PSTPIP1: variants seen among roughly 807,000 people sequenced by gnomAD.
PSTPIP1 encodes the protein proline-serine-threonine phosphatase interacting protein 1, also known as proline-serine-threonine phosphatase-interacting protein 1.
A neutral mutation model predicts 69.6 loss-of-function variants in PSTPIP1; 66 were observed. That is an observed-to-expected ratio of 0.95 (90% CI 0.78 to 1.16). The LOEUF (loss-of-function observed/expected upper bound fraction) is 1.16. Ranked by LOEUF, PSTPIP1 falls within the 50% of genes most tolerant of loss-of-function variation. The pLI, the probability that PSTPIP1 is intolerant of heterozygous loss-of-function variation, is 0.00. For missense variants in PSTPIP1, 603 were observed against 557.4 expected (o/e 1.08, Z -0.82); for synonymous variants, 266 against 222.7 (o/e 1.19, Z -1.73).
chr15:77,003,655 C>CA (rs35480677), intron 1 of PSTPIP1, among the ~76,000 whole-genome samples: 13,719 of 137,146 alleles, frequency 0.1, 717 homozygotes, highest in Admixed American at 0.12. Flanking sequence ...AACTCCGTCT[C>CA]AAAAAAAAAA....
chr15:77,027,771 CCCAGGGACACT>C lies in PSTPIP1; in HGVS notation c.355-78_355-68del. 6.6e-7 allele frequency: 1 copy of C among 1,511,256 alleles called. No individual in the cohort carries two copies. The highest frequency in any genetic ancestry group is 9.0e-7 in the Non-Finnish European group (1 of 1,112,952). 93.6% of individuals were successfully genotyped at this position (1,511,256 alleles called of 1,614,324 possible). A position where few individuals can be genotyped will look rare whatever the true frequency, so the allele number is the denominator to read the frequency against. On this transcript the variant is annotated intron_variant, in intron 5 of 14. Transcript: ENST00000558012. The surrounding 1 kb of genome is among the most constrained non-coding windows in gnomAD (Gnocchi z 4.3). ...AGCCAGGAGAGGTGCTGCGCCTCAT[CCCAGGGACACT>C]CCGTCCTCTTGGCCTAGGGGAGCCT...
rs1048398117 is a variant in PSTPIP1, at chr15:77,035,785, T to C, written c.986-17T>C. 2.5e-6 allele frequency: 4 copies of C among 1,601,468 alleles called. No individual in the cohort carries two copies. In the African/African-American group the frequency reaches 5.4e-5, roughly 21 times the overall value. Reference sequence around the variant, plus strand: ...GTCCCCAGAAGGGGAGGGGTCTATGTCTCACCCTGCTCTTAGCGTCCACAG... The same window carrying C: ...GTCCCCAGAAGGGGAGGGGTCTATGCCTCACCCTGCTCTTAGCGTCCACAG... On this transcript the variant is annotated splice_polypyrimidine_tract_variant and intron_variant, in intron 13 of 14. Transcript: ENST00000558012.
chr15:77,007,571 T>C (rs2075840378), intron 1 of PSTPIP1, among the ~76,000 whole-genome samples: 1 of 149,790 alleles, frequency 6.7e-6, no homozygotes. Flanking sequence ...ATCATGCCAC[T>C]GCACTCCAGC....
At position 76,995,394 on chromosome 15, in the gene PSTPIP1, C is replaced by T. The variant is rs574627519; in HGVS notation, c.-180C>T. The T allele has an allele frequency of 1.7e-5, 24 of 1,448,314 alleles. No individual in the cohort carries two copies. The highest frequency in any genetic ancestry group is 2.1e-5 in the Non-Finnish European group (23 of 1,105,054). 89.7% of individuals were successfully genotyped at this position (1,448,314 alleles called of 1,614,324 possible). ...CCAAACAAAACAGGTTGAGCTTTTT[C>T]CTCCCCTCAGAAGCTCCTCTCTGGC... On this transcript the variant is annotated 5_prime_UTR_variant, in exon 1 of 15. Coordinates refer to ENST00000558012, the MANE Select transcript of PSTPIP1 (RefSeq NM_003978.5).
intron 1 of PSTPIP1, among the ~76,000 whole-genome samples, chr15:76,999,024 G>A (rs567279467): frequency 6.6e-5 from 10 of 152,334 alleles, no homozygotes; most frequent in African/African-American, 1.9e-4. Flanking sequence ...CTGTCTGAGC[G>A]GAGAGGGCAC....
Position 76,995,171 on chromosome 15 carries a change from TGGCCC to T in PSTPIP1, c.-396_-392del. On this transcript the variant is annotated 5_prime_UTR_variant, in exon 1 of 15. Transcript: ENST00000558012. ...CGGGCTGCCTGCCTGCCTGCCTGCC[TGGCCC>T]GGCCCGAGCTCCAGCCTGCCTCTTC... is the stretch of plus-strand genomic sequence containing the variant. 8.4e-7 allele frequency: 1 copy of T among 1,192,234 alleles called. No individual in the cohort carries two copies. The highest frequency in any genetic ancestry group is 1.1e-6 in the Non-Finnish European group (1 of 947,778). The allele number at this position is 1,192,234 out of a possible 1,614,324, so 73.9% of individuals were successfully genotyped here.
intron 3 of PSTPIP1, among the ~76,000 whole-genome samples, chr15:77,022,251 C>G (rs767659452): frequency 6.6e-6 from 1 of 152,176 alleles, no homozygotes; most frequent in Non-Finnish European, 1.5e-5. Context: ...GCTGGCTCAT[C>G]GTGGGCACAG....
At chr15:77,020,159 C>A (rs114657901) in intron 3 of PSTPIP1, among the ~76,000 whole-genome samples, 15 of 152,252 alleles carry the variant, frequency 9.9e-5, no homozygotes, top group African/African-American at 3.1e-4. Flanking sequence ...CAGGGTGGGC[C>A]TCAGGAAGCA....
At position 77,029,710 on chromosome 15, in the gene PSTPIP1, T is replaced by C. The variant is rs1568515808; in HGVS notation, c.562+136T>C. On this transcript the variant is annotated intron_variant, in intron 8 of 14. Coordinates refer to ENST00000558012, the MANE Select transcript of PSTPIP1 (RefSeq NM_003978.5). Reference sequence around the variant, plus strand: ...GGGCGCGGCGCTCTCATTCCAGATATGTGCCGTCAAAGTAAACGCTGTGTT... The same window carrying C: ...GGGCGCGGCGCTCTCATTCCAGATACGTGCCGTCAAAGTAAACGCTGTGTT... The C allele has an allele frequency of 2.6e-5, 28 of 1,063,898 alleles. No individual in the cohort carries two copies. In the South Asian group the frequency reaches 3.9e-4, roughly 15 times the overall value. The allele number at this position is 1,063,898 out of a possible 1,614,324, so 65.9% of individuals were successfully genotyped here. A position where few individuals can be genotyped will look rare whatever the true frequency, so the allele number is the denominator to read the frequency against.
chr15:77,035,839 T>C lies in PSTPIP1; in HGVS notation c.1023T>C (p.Asn341=). 2 of 1,609,996 alleles carry C rather than the reference T, an allele frequency of 1.2e-6. No homozygotes were observed. Among genetic ancestry groups the C allele is most frequent in the Non-Finnish European group, 1.7e-6 (2 of 1,179,580 alleles). The change falls in exon 14 of 15, where the codon AAT becomes AAC. Residue 341 remains asparagine, a synonymous_variant. Transcript: ENST00000558012. Reference sequence around the variant, plus strand: ...CCCTGACCCCCACCCCCGAGCGGAATGAGGGTGTCTACACAGCCATCGCAG... The same window carrying C: ...CCCTGACCCCCACCCCCGAGCGGAACGAGGGTGTCTACACAGCCATCGCAG... ...TETLTPTPER[N]EGVYTAIAVQ... is the part of the protein sequence containing the mutation.
At chr15:77,007,304 C>T (rs1156758340) in intron 1 of PSTPIP1, among the ~76,000 whole-genome samples, 1 of 152,166 alleles carries the variant, frequency 6.6e-6, no homozygotes, top group Non-Finnish European at 1.5e-5. Flanking sequence ...CCTCAGCTTG[C>T]CTGGATAAAA....
chr15:77,037,463 A>AGTT lies in PSTPIP1; in HGVS notation c.*289_*291dup, dbSNP rs554510662. On this transcript the variant is annotated 3_prime_UTR_variant, in exon 15 of 15. Coordinates refer to ENST00000558012, the MANE Select transcript of PSTPIP1 (RefSeq NM_003978.5). Reference sequence around the variant, plus strand: ...CCAACTCAGCCGAGGCTTCAGCTATAGTTGGAGAAGAGGCCTGGCCCCAGT... The same window carrying AGTT: ...CCAACTCAGCCGAGGCTTCAGCTATAGTTGTTGGAGAAGAGGCCTGGCCCCAGT... The AGTT allele has an allele frequency of 8.0e-4, 257 of 323,094 alleles. No individual in the cohort carries two copies. Among genetic ancestry groups the AGTT allele is most frequent in the Non-Finnish European group, 1.3e-3 (215 of 168,108 alleles). 20.0% of individuals were successfully genotyped at this position (323,094 alleles called of 1,614,324 possible).
At chr15:77,016,383 C>T (rs2076053170) in intron 1 of PSTPIP1, among the ~76,000 whole-genome samples, 2 of 151,944 alleles carry the variant, frequency 1.3e-5, no homozygotes, top group African/African-American at 4.9e-5. Context: ...AGGGCAGAGG[C>T]TGAGGGGTGG....
At chr15:77,013,725 CTTGGTTCCCAGGGAAGATT>C (rs2075992415) in intron 1 of PSTPIP1, among the ~76,000 whole-genome samples, 1 of 152,210 alleles carries the variant, frequency 6.6e-6, no homozygotes, top group South Asian at 2.1e-4. Flanking sequence ...ACGGCCCCCA[CTTGGTTCCCAGGGAAGATT>C]TTGGTGCCAG....
At chr15:77,021,981 C>T (rs2076170069) in intron 3 of PSTPIP1, among the ~76,000 whole-genome samples, 1 of 152,224 alleles carries the variant, frequency 6.6e-6, no homozygotes, top group African/African-American at 2.4e-5. Context: ...AAAGGAAAAC[C>T]AAGGCAAGGC....
At position 76,995,582 on chromosome 15, in the gene PSTPIP1, C is replaced by A. The variant is rs775395200; in HGVS notation, c.9C>A (p.Pro3=). MM[P]QLQFKDAFWC... ...GCGGCAGACGCCTGAGGATGATGCC[C>A]CAGCTGCAGTTCAAAGATGCCTTTT... The change falls in exon 1 of 15, where the codon CCC becomes CCA. Residue 3 remains proline (P), a synonymous_variant. Coordinates refer to ENST00000558012, the MANE Select transcript of PSTPIP1 (RefSeq NM_003978.5). 10 of 1,613,650 alleles carry A rather than the reference C, an allele frequency of 6.2e-6. No homozygotes were observed.
chr15:77,033,737 G>C (rs537848980), intron 12 of PSTPIP1, among the ~76,000 whole-genome samples: 41 of 152,256 alleles, frequency 2.7e-4, no homozygotes, highest in African/African-American at 7.9e-4. Flanking sequence ...CCAAGGACCA[G>C]CTCATTCCAG....
At chr15:77,018,976 T>G (rs2076109608) in intron 3 of PSTPIP1, among the ~76,000 whole-genome samples, 1 of 152,140 alleles carries the variant, frequency 6.6e-6, no homozygotes. Context: ...CCCCCAGCTG[T>G]CTGACCATGG....
At chr15:77,015,907 C>T (rs1054405276) in intron 1 of PSTPIP1, 1 of 455,686 alleles carries the variant, frequency 2.2e-6, no homozygotes, top group Middle Eastern at 3.8e-4. Flanking sequence ...GGGCGGGATC[C>T]TGGAGCCTGC....
Sources: gnomAD v4.1 joint callset for allele counts (sites outside exome capture counted in the v4.1 genomes callset) on GRCh38, gnomAD v4.1.1 for gene constraint, Gnocchi (gnomAD v3.1) non-coding constraint, MANE v1.5 for transcripts, NCBI Gene and HGNC (gene_info 2026-07-23, HGNC 2026-07-21) for gene names.